Variants in USP9X observed in about 807,000 individuals in gnomAD.
USP9X encodes the protein ubiquitin carboxyl-terminal hydrolase 9X.
USP9X carries 7 observed loss-of-function variants against 190.3 expected under a neutral mutation model. The observed-to-expected ratio is 0.04, with a 90% CI of 0.02 to 0.07. The LOEUF (loss-of-function observed/expected upper bound fraction) is 0.07. Ranked by LOEUF, USP9X falls within the 10% of genes least tolerant of loss-of-function variation. USP9X has a pLI of 1.00. For missense variants in USP9X, 1,010 were observed against 1,916.9 expected (o/e 0.53, Z 8.83); for synonymous variants, 645 against 659.5 (o/e 0.98, Z 0.34).
At chrX:41,091,158 GTTGTTAT>G (rs1381943672) in intron 1 of USP9X, among the ~76,000 whole-genome samples, 1 of 108,325 alleles carries the variant, frequency 9.2e-6, no homozygotes, top group Non-Finnish European at 1.9e-5. Flanking sequence ...ATTGGATTAA[GTTGTTAT>G]TTAAAAAAAC....
chrX:41,225,666 C>T (rs1024013233), intron 41 of USP9X, among the ~76,000 whole-genome samples: 5 of 112,206 alleles, frequency 4.5e-5, no homozygotes, highest in African/African-American at 1.3e-4. Flanking sequence ...TTCTATAAGC[C>T]TCTGTTTACA....
In USP9X at chrX:41,214,715, G is replaced by A. The variant is rs2063196297; in HGVS notation, c.5331+6G>A. 8.4e-7 allele frequency: 1 copy of A among 1,186,811 alleles called. No individual in the cohort carries two copies. Among genetic ancestry groups the A allele is most frequent in the Admixed American group, 2.5e-5 (1 of 39,453 alleles). ...GTGAAAAATGCAATAAAAAGGTACGGGCTGTCCAGTTTTGTTTAATTTTGA... is the reference window on the plus strand; with the variant it reads ...GTGAAAAATGCAATAAAAAGGTACGAGCTGTCCAGTTTTGTTTAATTTTGA... On this transcript the variant is annotated splice_donor_region_variant and intron_variant, in intron 34 of 44. Transcript: ENST00000378308.
chrX:41,219,738 A>G (rs1398996844), intron 38 of USP9X, among the ~76,000 whole-genome samples: 3 of 112,581 alleles, frequency 2.7e-5, no homozygotes, highest in Non-Finnish European at 5.6e-5. Context: ...CTGTACTCCC[A>G]GCACTTTGGG....
At chrX:41,094,503 C>T (rs751212295) in intron 1 of USP9X, among the ~76,000 whole-genome samples, 8 of 109,932 alleles carry the variant, frequency 7.3e-5, no homozygotes, top group Admixed American at 9.7e-5. Flanking sequence ...CAGTGCATGT[C>T]GTTATCTGAG....
chrX:41,214,791 A>T, intron 34 of USP9X, 82 bp downstream of exon 34: 1 of 983,687 alleles, frequency 1.0e-6, no homozygotes, highest in Non-Finnish European at 1.4e-6. Flanking sequence ...CATCCTCACA[A>T]GTCACCCTAT....
chrX:41,161,071 A>T (rs1031653776), intron 14 of USP9X, among the ~76,000 whole-genome samples: 2 of 111,059 alleles, frequency 1.8e-5, no homozygotes, highest in Non-Finnish European at 3.8e-5. Context: ...AACGAAGATT[A>T]CCTGGCCAAA....
intron 24 of USP9X, 82 bp downstream of exon 24, chrX:41,186,724 T>C (rs749837613): frequency 9.5e-7 from 1 of 1,055,346 alleles, no homozygotes; most frequent in East Asian, 3.1e-5. Flanking sequence ...CTATAGATAA[T>C]GTCCCCTTAA....
intron 36 of USP9X, 110 bp from the exon 37 acceptor site, chrX:41,218,262 C>A: frequency 4.1e-6 from 3 of 723,619 alleles, no homozygotes; most frequent in Non-Finnish European, 6.1e-6. Flanking sequence ...TTCTCTCCAG[C>A]AGTAGAGGAA....
chrX:41,106,522 A>AT (rs35038623), intron 1 of USP9X, among the ~76,000 whole-genome samples: 4,363 of 58,791 alleles, frequency 0.074, 696 homozygotes, highest in African/African-American at 0.19. Context: ...TTCTGAATTA[A>AT]TTTTTTTTTT....
intron 19 of USP9X, 77 bp downstream of exon 19, chrX:41,170,312 G>A: frequency 9.1e-7 from 1 of 1,099,428 alleles, no homozygotes; most frequent in Non-Finnish European, 1.2e-6. Flanking sequence ...TACTAATTGA[G>A]CATTTGTTAT....
Position 41,197,351 on chromosome X carries a change from C to A in USP9X, c.4234-13C>A, listed in dbSNP as rs777481005. On this transcript the variant is annotated splice_polypyrimidine_tract_variant and intron_variant, in intron 28 of 44. Coordinates refer to ENST00000378308, the MANE Select transcript of USP9X (RefSeq NM_001039591.3). ...TTTCTTCCCCCCCCCACCCCACCCC[C>A]CGCCTTTGGCAGGATGATGTTAAAA... 30 of 938,221 alleles carry A rather than the reference C, an allele frequency of 3.2e-5. 1 individual carries two copies. Among genetic ancestry groups the A allele is most frequent in the African/African-American group, 4.3e-5 (2 of 46,522 alleles). The allele number at this position is 938,221 out of a possible 1,213,427, so 77.3% of individuals were successfully genotyped here.
Position 41,211,251 on chromosome X carries a change from A to G in USP9X, c.5189+569A>G, listed in dbSNP as rs144575694. ...ATCAGTCGTCACACCTCAACTTCCC[A>G]AAGTGTTGAGATGACAGGCGTGAGC... On this transcript the variant is annotated intron_variant, in intron 33 of 44. Coordinates refer to ENST00000378308, the MANE Select transcript of USP9X (RefSeq NM_001039591.3). Among the ~76,000 whole-genome samples, 55 of 112,319 alleles carry G rather than the reference A, an allele frequency of 4.9e-4. 1 individual carries two copies. In the East Asian group the frequency reaches 0.01, roughly 21 times the overall value.
At chrX:41,141,252 C>T in intron 8 of USP9X, 35 bp downstream of exon 8, 4 of 1,194,070 alleles carry the variant, frequency 3.3e-6, no homozygotes, top group Non-Finnish European at 4.5e-6. Flanking sequence ...ATTGTTAATG[C>T]CGATTTTAGA....
intron 13 of USP9X, 140 bp downstream of exon 13, chrX:41,151,197 A>C: frequency 1.8e-6 from 1 of 566,081 alleles, no homozygotes; most frequent in Non-Finnish European, 2.6e-6. Context: ...TTGGAACAAA[A>C]GAATTCTTTA....
chrX:41,150,582 C>T (rs1329353668), intron 12 of USP9X, among the ~76,000 whole-genome samples: 1 of 111,207 alleles, frequency 9.0e-6, no homozygotes, highest in Non-Finnish European at 1.9e-5. Flanking sequence ...TCTTAAAATA[C>T]TGGCTAAATA....
chrX:41,166,269 G>A (rs2062677772), intron 16 of USP9X, 55 bp downstream of exon 16: 10 of 848,266 alleles, frequency 1.2e-5, no homozygotes, highest in South Asian at 9.9e-5. Context: ...TTTCATGTAC[G>A]TAAGGAATTG....
intron 33 of USP9X, 84 bp downstream of exon 33, chrX:41,210,766 A>G: frequency 1.1e-6 from 1 of 926,161 alleles, no homozygotes; most frequent in African/African-American, 2.0e-5. Context: ...ACTTACATAC[A>G]AAAGTGGAGT....
chrX:41,157,910 C>A (rs1474042374), intron 14 of USP9X, among the ~76,000 whole-genome samples: 1 of 111,495 alleles, frequency 9.0e-6, no homozygotes, highest in African/African-American at 3.3e-5. Context: ...AATGTCTAAT[C>A]TAAATTAGAG....
intron 26 of USP9X, among the ~76,000 whole-genome samples, chrX:41,195,387 A>G (rs1292129199): frequency 9.0e-6 from 1 of 111,156 alleles, no homozygotes. Flanking sequence ...GTTTATTAAC[A>G]CATTGCTGGG....
Sources: gnomAD v4.1 joint callset for allele counts (sites outside exome capture counted in the v4.1 genomes callset) on GRCh38, gnomAD v4.1.1 for gene constraint, MANE v1.5 for transcripts, NCBI Gene and HGNC (gene_info 2026-07-23, HGNC 2026-07-21) for gene names.